PHF14: variants seen among roughly 807,000 people sequenced by gnomAD.
The protein encoded by PHF14 is PHD finger protein 14.
PHF14 carries 55 observed loss-of-function variants against 117.9 expected under a neutral mutation model. That is an observed-to-expected ratio of 0.47 (90% CI 0.38 to 0.58). The LOEUF (loss-of-function observed/expected upper bound fraction) is 0.58. Among genes scored for constraint, PHF14 ranks in the 20% least tolerant of loss-of-function variants. The probability of loss-of-function intolerance (pLI) is 0.00; values close to 1 mark genes in which losing one functional copy is unlikely to be tolerated. For synonymous variants in PHF14, 409 were observed against 368.6 expected (o/e 1.11, Z -1.26); for missense variants, 978 against 1,122.2 (o/e 0.87, Z 1.84).
intron 3 of PHF14, 37 bp from the exon 4 acceptor site, chr7:10,990,666 T>C: frequency 7.8e-7 from 1 of 1,281,184 alleles, no homozygotes; most frequent in South Asian, 1.4e-5. Flanking sequence ...TTACTTTAAA[T>C]GTGATTTTCT....
At chr7:11,081,057 GTA>G (rs1279765943) in intron 16 of PHF14, among the ~76,000 whole-genome samples, 10 of 151,982 alleles carry the variant, frequency 6.6e-5, no homozygotes, top group African/African-American at 2.2e-4. Context: ...AAATATATAT[GTA>G]TATATGTGTG....
intron 5 of PHF14, chr7:11,014,843 A>G (rs1005347633): frequency 6.6e-6 from 1 of 151,668 alleles, no homozygotes; most frequent in African/African-American, 2.4e-5. Context: ...ATGTTTGTTA[A>G]CACATTTGAG....
chr7:11,005,713 A>G (rs1378996406), intron 4 of PHF14, among the ~76,000 whole-genome samples: 2 of 150,744 alleles, frequency 1.3e-5, no homozygotes, highest in Non-Finnish European at 2.9e-5. Context: ...TCACTTATAT[A>G]TAGTGCTGAC....
intron 17 of PHF14, among the ~76,000 whole-genome samples, chr7:11,141,212 G>A (rs978540286): frequency 6.6e-6 from 1 of 152,100 alleles, no homozygotes; most frequent in Non-Finnish European, 1.5e-5. Flanking sequence ...AGTTGAGATT[G>A]TATAATTTAA....
intron 16 of PHF14, chr7:11,104,374 G>T (rs990689724): frequency 1.4e-5 from 13 of 961,592 alleles, no homozygotes; most frequent in Middle Eastern, 5.2e-4. Flanking sequence ...AACTAGAATA[G>T]AATACTTTCT....
chr7:11,107,798 T>C (rs1787321549), intron 16 of PHF14: 1 of 845,072 alleles, frequency 1.2e-6, no homozygotes, highest in Non-Finnish European at 1.4e-6. Context: ...TAAAACATTT[T>C]ATTCACTATT....
intron 6 of PHF14, among the ~76,000 whole-genome samples, chr7:11,028,345 G>A (rs576218783): frequency 6.6e-6 from 1 of 152,244 alleles, no homozygotes; most frequent in Non-Finnish European, 1.5e-5. Flanking sequence ...TAAAAAATTA[G>A]AAGTGGAACT....
At position 11,075,564 on chromosome 7, in the gene PHF14, G is replaced by GTTT. The variant is rs3073111; in HGVS notation, c.2654+13503_2654+13505dup. ...ACTCATTCCCATGGGAAGGAAAGAG[G>GTTT]TTTTTTTTTTTTTTTTTTTTTTTTT... On this transcript the variant is annotated intron_variant, in intron 16 of 17. Coordinates refer to ENST00000634607, the MANE Select transcript of PHF14 (RefSeq NM_001007157.2). 1.5e-3 allele frequency among the ~76,000 whole-genome samples: 167 copies of GTTT among 109,998 alleles called. 3 individuals are homozygous for GTTT. Among genetic ancestry groups the GTTT allele is most frequent in the Admixed American group, 2.5e-3 (26 of 10,464 alleles). 72.2% of individuals were successfully genotyped at this position (109,998 alleles called of 152,430 possible). A position where few individuals can be genotyped will look rare whatever the true frequency, so the allele number is the denominator to read the frequency against.
intron 16 of PHF14, among the ~76,000 whole-genome samples, chr7:11,083,091 A>C (rs1043070450): frequency 6.6e-6 from 1 of 152,178 alleles, no homozygotes; most frequent in Non-Finnish European, 1.5e-5. Context: ...TCAAATGTTC[A>C]GAGAATCGGG....
intron 3 of PHF14, among the ~76,000 whole-genome samples, chr7:10,985,403 A>G (rs1782181533): frequency 6.6e-6 from 1 of 152,108 alleles, no homozygotes; most frequent in Non-Finnish European, 1.5e-5. Flanking sequence ...AGAAATATAT[A>G]ATTATACCAT....
chr7:11,024,682 A>G (rs1783850900), intron 6 of PHF14, among the ~76,000 whole-genome samples: 1 of 152,246 alleles, frequency 6.6e-6, no homozygotes, highest in South Asian at 2.1e-4. Context: ...CGCATGGTTT[A>G]CTGGATATTT....
chr7:10,983,452 T>G (rs1180139837), intron 3 of PHF14, among the ~76,000 whole-genome samples: 1 of 152,198 alleles, frequency 6.6e-6, no homozygotes, highest in South Asian at 2.1e-4. Flanking sequence ...CCATTCTCCT[T>G]TTTATCCCTT....
At chr7:11,163,979 C>A (rs542123211) in intron 17 of PHF14, among the ~76,000 whole-genome samples, 43 of 152,200 alleles carry the variant, frequency 2.8e-4, no homozygotes, top group Admixed American at 1.0e-3. Context: ...TGTATTCTTA[C>A]ACTTTTAAAA....
chr7:11,017,898 C>G (rs1219128898), intron 5 of PHF14, among the ~76,000 whole-genome samples: 1 of 152,110 alleles, frequency 6.6e-6, no homozygotes, highest in East Asian at 1.9e-4. Flanking sequence ...AGTTTGAGGT[C>G]TTAGATTTAA....
chr7:11,126,843 TA>T (rs1373987914), intron 17 of PHF14, among the ~76,000 whole-genome samples: 1 of 151,666 alleles, frequency 6.6e-6, no homozygotes, highest in African/African-American at 2.4e-5. Context: ...TTAAACAGTA[TA>T]AAAAGAGACA....
chr7:11,067,206 A>T (rs117687097), intron 16 of PHF14, among the ~76,000 whole-genome samples: 2,995 of 152,324 alleles, frequency 0.02, 39 homozygotes, highest in Middle Eastern at 0.044. Flanking sequence ...ATATGAAAAG[A>T]TGCTCAACAT....
At chr7:11,078,003 T>G (rs541769718) in intron 16 of PHF14, among the ~76,000 whole-genome samples, 15 of 152,348 alleles carry the variant, frequency 9.8e-5, no homozygotes, top group Non-Finnish European at 1.8e-4. Flanking sequence ...CTTAGACTGA[T>G]CTTTTTCAAG....
At chr7:10,985,799 C>A (rs1184555919) in intron 3 of PHF14, among the ~76,000 whole-genome samples, 1 of 151,686 alleles carries the variant, frequency 6.6e-6, no homozygotes, top group East Asian at 1.9e-4. Flanking sequence ...ACTACAGGTG[C>A]ATGCCACCAT....
intron 17 of PHF14, among the ~76,000 whole-genome samples, chr7:11,144,957 A>T (rs946964657): frequency 6.6e-6 from 1 of 151,982 alleles, no homozygotes; most frequent in East Asian, 1.9e-4. Context: ...GGAGAGAATG[A>T]GGTATTTTGT....
Sources: gnomAD v4.1 joint callset for allele counts (sites outside exome capture counted in the v4.1 genomes callset) on GRCh38, gnomAD v4.1.1 for gene constraint, MANE v1.5 for transcripts, NCBI Gene and HGNC (gene_info 2026-07-23, HGNC 2026-07-21) for gene names.